Variants in TRDN observed in about 807,000 individuals in gnomAD.
TRDN encodes triadin.
Under a neutral mutation model 149.7 loss-of-function variants are expected in TRDN, and 161 were observed. The ratio of observed to expected loss-of-function variants is 1.08; its 90% CI spans 0.95 to 1.23. The LOEUF is 1.23. Among genes scored for constraint, TRDN ranks in the 50% most tolerant of loss-of-function variants. The probability of loss-of-function intolerance (pLI) is 0.00; values close to 1 mark genes in which losing one functional copy is unlikely to be tolerated. For missense variants in TRDN, 896 were observed against 823.5 expected (o/e 1.09, Z -1.08); for synonymous variants, 294 against 250.5 (o/e 1.17, Z -1.64).
chr6:123,623,640 C>T (rs1368446985), intron 1 of TRDN, among the ~76,000 whole-genome samples: 1 of 152,090 alleles, frequency 6.6e-6, no homozygotes, highest in Non-Finnish European at 1.5e-5. Context: ...ATACTTGTTT[C>T]TAAAATGAAT....
At chr6:123,495,528 T>A (rs11753150) in intron 9 of TRDN, among the ~76,000 whole-genome samples, 1 of 151,448 alleles carries the variant, frequency 6.6e-6, no homozygotes, top group East Asian at 2.0e-4. Flanking sequence ...TCAAAAAAAA[T>A]AAAAAAAATA....
chr6:123,577,161 C>T (rs1374864511), intron 1 of TRDN, among the ~76,000 whole-genome samples: 1 of 152,036 alleles, frequency 6.6e-6, no homozygotes, highest in Non-Finnish European at 1.5e-5. Context: ...TTATTTCTTA[C>T]AGTTCTAGTG....
chr6:123,370,968 G>A (rs1027862068), intron 19 of TRDN, among the ~76,000 whole-genome samples: 5 of 132,036 alleles, frequency 3.8e-5, no homozygotes, highest in Non-Finnish European at 8.1e-5. Flanking sequence ...TTAATCTCTT[G>A]CTATTTAAAT....
chr6:123,288,563 G>A (rs1166253879), intron 24 of TRDN, among the ~76,000 whole-genome samples: 1 of 151,996 alleles, frequency 6.6e-6, no homozygotes, highest in Non-Finnish European at 1.5e-5. Context: ...TTTAAAATGG[G>A]CAAAGCATGT....
chr6:123,370,259 T>A (rs2114374418), intron 19 of TRDN, among the ~76,000 whole-genome samples: 1 of 152,154 alleles, frequency 6.6e-6, no homozygotes, highest in East Asian at 1.9e-4. Flanking sequence ...ATTTCCTTAT[T>A]TTTCTATATG....
At chr6:123,304,817 T>A (rs1281215142) in intron 24 of TRDN, among the ~76,000 whole-genome samples, 1 of 152,150 alleles carries the variant, frequency 6.6e-6, no homozygotes, top group African/African-American at 2.4e-5. Flanking sequence ...TTATATAACA[T>A]TAAATAACTG....
intron 1 of TRDN, among the ~76,000 whole-genome samples, chr6:123,626,450 C>T (rs780963407): frequency 1.3e-5 from 2 of 151,996 alleles, no homozygotes; most frequent in Admixed American, 6.6e-5. Context: ...CAGTGCATGC[C>T]GAACTAGACA....
chr6:123,284,204 A>G (rs1202569500), intron 24 of TRDN, among the ~76,000 whole-genome samples: 1 of 150,394 alleles, frequency 6.6e-6, no homozygotes, highest in Non-Finnish European at 1.5e-5. Context: ...AGAAAGGGAC[A>G]TAACAAAAAA....
intron 36 of TRDN, 50 bp downstream of exon 36, chr6:123,255,816 AT>A: frequency 8.1e-7 from 1 of 1,233,252 alleles, no homozygotes; most frequent in Non-Finnish European, 1.1e-6. Context: ...GACTTAAAAT[AT>A]TTTAGCTTCA....
At chr6:123,312,133 C>G (rs539207171) in intron 24 of TRDN, among the ~76,000 whole-genome samples, 1 of 152,060 alleles carries the variant, frequency 6.6e-6, no homozygotes, top group African/African-American at 2.4e-5. Flanking sequence ...TATTTTACAA[C>G]AGGGACCCTT....
rs181124705 is a variant in TRDN at position 123,487,302 on chromosome 6, A to G, written c.853+9891T>C. Among the ~76,000 whole-genome samples the G allele has an allele frequency of 1.4e-3, 220 of 152,240 alleles. 1 individual carries two copies. Among genetic ancestry groups the G allele is most frequent in the African/African-American group, 4.2e-3 (175 of 41,580 alleles). On this transcript the variant is annotated intron_variant, in intron 9 of 40. Transcript: ENST00000334268. The stretch of plus-strand genomic sequence containing the variant: ...TCACTGTTGGTCCTCCTTTAAGTCT[A>G]GATCTCATTTAAGTATCCACCACAT...
At chr6:123,509,267 C>T (rs75584284) in intron 7 of TRDN, among the ~76,000 whole-genome samples, 15,160 of 151,870 alleles carry the variant, frequency 0.1, 1,047 homozygotes, top group South Asian at 0.21. Flanking sequence ...CTCAAGATGG[C>T]TCCCAGTGAC....
At chr6:123,266,149 TTA>T (rs1396110812) in intron 32 of TRDN, among the ~76,000 whole-genome samples, 11 of 107,224 alleles carry the variant, frequency 1.0e-4, no homozygotes, top group Admixed American at 1.5e-4. Flanking sequence ...GTATTATATA[TTA>T]TATATATTAT....
chr6:123,249,149 CAA>C (rs1055097746), intron 38 of TRDN, among the ~76,000 whole-genome samples: 4 of 151,950 alleles, frequency 2.6e-5, no homozygotes, highest in African/African-American at 9.7e-5. Flanking sequence ...AGACATCTCG[CAA>C]AAGAATACAT....
intron 21 of TRDN, among the ~76,000 whole-genome samples, chr6:123,345,257 CTTTTTTA>C (rs928204954): frequency 8.6e-5 from 13 of 151,806 alleles, no homozygotes; most frequent in South Asian, 2.1e-4. Context: ...TTTTTGTTTT[CTTTTTTA>C]TTTTTGTTTA....
intron 1 of TRDN, among the ~76,000 whole-genome samples, chr6:123,597,704 G>T (rs1240264911): frequency 6.6e-6 from 1 of 152,054 alleles, no homozygotes; most frequent in Admixed American, 6.6e-5. Flanking sequence ...CCAGCAAAAA[G>T]ATTATGACTT....
At chr6:123,270,720 C>A (rs1777177899) in intron 30 of TRDN, among the ~76,000 whole-genome samples, 1 of 151,720 alleles carries the variant, frequency 6.6e-6, no homozygotes. Flanking sequence ...TAACCATATC[C>A]CTCTCTATGG....
At position 123,519,960 on chromosome 6, in the gene TRDN, T is replaced by C. The variant is rs1405203117; in HGVS notation, c.485-3754A>G. The stretch of plus-strand genomic sequence containing the variant: ...CAGCTTCATAAAATTCATATATATC[T>C]ATATTTTAATTTGTAATGTTTTATG... On this transcript the variant is annotated intron_variant, in intron 5 of 40. Coordinates refer to ENST00000334268, the MANE Select transcript of TRDN (RefSeq NM_006073.4). Among the ~76,000 whole-genome samples the C allele has an allele frequency of 2.0e-5, 3 of 152,238 alleles. 1 individual carries two copies. The South Asian group carries it at 6.2e-4, about 32-fold the overall frequency.
intron 10 of TRDN, among the ~76,000 whole-genome samples, chr6:123,448,475 C>T (rs2114642578): frequency 6.6e-6 from 1 of 152,180 alleles, no homozygotes; most frequent in South Asian, 2.1e-4. Context: ...TCCCCGACTT[C>T]CCTGTCAACC....
Sources: allele counts gnomAD v4.1 joint callset (sites outside exome capture counted in the v4.1 genomes callset), GRCh38; gene constraint gnomAD v4.1.1; transcripts MANE v1.5; gene names NCBI Gene and HGNC (gene_info 2026-07-23, HGNC 2026-07-21).